The following NCOA6 variants were observed in gnomAD, a reference collection of about 807,000 sequenced individuals.
The protein encoded by NCOA6 is NRC RAP250.
Under a neutral mutation model 171.4 loss-of-function variants are expected in NCOA6, and 49 were observed. The ratio of observed to expected loss-of-function variants is 0.29; its 90% confidence interval spans 0.23 to 0.36. NCOA6 has a LOEUF of 0.36. Ranked by LOEUF, NCOA6 falls within the 10% of genes least tolerant of loss-of-function variation. NCOA6 has a pLI of 1.00. For missense variants in NCOA6, 2,248 were observed against 2,554.5 expected (o/e 0.88, Z 2.59); for synonymous variants, 910 against 927.5 (o/e 0.98, Z 0.34).
intron 1 of NCOA6, chr20:34,821,406 T>C (rs1301141943): frequency 1.3e-5 from 2 of 152,216 alleles, no homozygotes; most frequent in Non-Finnish European, 2.9e-5. Flanking sequence ...TTTTCTACAC[T>C]ATAGGTAGGA....
At chr20:34,773,696 A>G (rs1185955096) in intron 4 of NCOA6, among the ~76,000 whole-genome samples, 2 of 152,082 alleles carry the variant, frequency 1.3e-5, no homozygotes, top group African/African-American at 2.4e-5. Context: ...GCTAATTTTT[A>G]TATTTTTAGT....
rs1403222959 is a variant in NCOA6 at position 34,750,484 on chromosome 20, G to C, written c.1711C>G (p.Gln571Glu). The C allele has an allele frequency of 6.2e-7, 1 of 1,611,454 alleles. No homozygotes were observed. Among genetic ancestry groups the C allele is most frequent in the South Asian group, 1.1e-5 (1 of 90,842 alleles). ...ATATTTGGCGGCCCGTGGGACACCT[G>C]CATCTGGTTTTGAGGAGGACCAGCT... Reference protein sequence around the residue: ...QGAGPPQNQMQVSHGPPNMMQ... With the variant: ...QGAGPPQNQMEVSHGPPNMMQ... The change falls in exon 9 of 15, where the codon CAG becomes GAG. Residue 571 changes from glutamine (Q) to glutamate (E), a missense_variant. Physicochemically the swap from Gln to Glu is conservative, Grantham distance 29. Around this residue, in one of 7 missense-constraint regions of NCOA6, gnomAD observed 987 missense variants for 1,104.7 expected, o/e 0.89. Transcript: ENST00000359003.
At chr20:34,753,754 G>A (rs545159310) in intron 8 of NCOA6, among the ~76,000 whole-genome samples, 2 of 152,268 alleles carry the variant, frequency 1.3e-5, no homozygotes, top group Non-Finnish European at 2.9e-5. Context: ...CAAGCAGTTT[G>A]CACTACCCTT....
At chr20:34,801,455 T>C (rs749673812) in intron 1 of NCOA6, among the ~76,000 whole-genome samples, 3 of 151,390 alleles carry the variant, frequency 2.0e-5, no homozygotes, top group Non-Finnish European at 4.4e-5. Flanking sequence ...TTAACCAGAC[T>C]AACAAAAAAA....
At position 34,822,198 on chromosome 20, in the gene NCOA6, C is replaced by T. The variant is rs1005586023; in HGVS notation, c.-164+3274G>A. Among the ~76,000 whole-genome samples the T allele has an allele frequency of 6.6e-5, 10 of 152,232 alleles. 2 individuals are homozygous for T. In the South Asian group the frequency reaches 2.1e-3, roughly 32 times the overall value. On this transcript the variant is annotated intron_variant, in intron 1 of 14. Transcript: ENST00000359003. ...CCTTCCAAAGAACATCCATTTATCT[C>T]CTAGAAATTAAACCTCCACCACATA...
At chr20:34,805,041 CCCT>C (rs1465209459) in intron 1 of NCOA6, among the ~76,000 whole-genome samples, 1 of 150,800 alleles carries the variant, frequency 6.6e-6, no homozygotes, top group African/African-American at 2.4e-5. Flanking sequence ...ATTTCTTATA[CCCT>C]TTTTTTTTTT....
At position 34,742,373 on chromosome 20, in the gene NCOA6, A is replaced by G; in HGVS notation, c.3883T>C (p.Ser1295Pro). The G allele has an allele frequency of 6.2e-7, 1 of 1,614,142 alleles. No homozygotes were observed. The highest frequency in any genetic ancestry group is 8.5e-7 in the Non-Finnish European group (1 of 1,180,032). The change falls in exon 11 of 15, where the codon TCC (serine) becomes CCC (proline). Residue 1295 changes from serine to proline, a missense_variant. By Grantham distance (74) the Ser-to-Pro change is moderately conservative. This residue lies in a region of NCOA6 where 884 missense variants were observed against 941.9 expected (regional missense o/e 0.94). Coordinates refer to ENST00000359003, the MANE Select transcript of NCOA6 (RefSeq NM_014071.5). ...QAPSNLTMNPSNFATPQTHKL... is the reference protein window; with the variant it reads ...QAPSNLTMNPPNFATPQTHKL... ...TGAGTTTGTGGGGTAGCAAAATTGG[A>G]AGGATTCATGGTAAGATTTGAAGGT...
chr20:34,725,660 C>G (rs925129951), intron 14 of NCOA6, among the ~76,000 whole-genome samples: 2 of 151,608 alleles, frequency 1.3e-5, no homozygotes, highest in African/African-American at 2.4e-5. Context: ...AAAGGGCCAC[C>G]TGAGATAAAA....
At chr20:34,731,580 C>A (rs546209691) in intron 13 of NCOA6, among the ~76,000 whole-genome samples, 1 of 152,196 alleles carries the variant, frequency 6.6e-6, no homozygotes, top group Middle Eastern at 3.2e-3. Context: ...ATTAAGGATG[C>A]ATGGCATGGA....
chr20:34,741,215 C>A lies in NCOA6; in HGVS notation c.5041G>T (p.Ala1681Ser). ...AGGCCAGAGTTGGTTGTCAGTGGGG[C>A]TGCAGGAATTGTGCTTGGCTGTGAT... ...KGSQPSTIPA[A>S]PLTTNSGLMP... Residue 1681 changes from alanine (A) to serine (S), a missense_variant, in exon 11 of 15, where the codon GCC becomes TCC. Physicochemically the swap from Ala to Ser is moderately conservative, Grantham distance 99 (BLOSUM62 1). Around this residue, in one of 7 missense-constraint regions of NCOA6, gnomAD observed 884 missense variants for 941.9 expected, o/e 0.94. Coordinates refer to ENST00000359003, the MANE Select transcript of NCOA6 (RefSeq NM_014071.5). The A allele has an allele frequency of 6.2e-7, 1 of 1,614,240 alleles. No homozygotes were observed. Among genetic ancestry groups the A allele is most frequent in the East Asian group, 2.2e-5 (1 of 44,892 alleles).
In NCOA6 at chr20:34,760,618, G is replaced by A. The variant is rs189553341; in HGVS notation, c.515-1685C>T. Among the ~76,000 whole-genome samples, 111 of 152,218 alleles carry A rather than the reference G, an allele frequency of 7.3e-4. 1 individual carries two copies. The South Asian group carries it at 0.017, about 23-fold the overall frequency. On this transcript the variant is annotated intron_variant, in intron 5 of 14. Transcript: ENST00000359003. ...CCTGTAAAACCATCTGGGCCTATAG[G>A]TCATACTAATTGATTTACAGGGAAA...
chr20:34,810,669 C>A (rs1255885293), intron 1 of NCOA6, among the ~76,000 whole-genome samples: 1 of 152,070 alleles, frequency 6.6e-6, no homozygotes, highest in Non-Finnish European at 1.5e-5. Flanking sequence ...CATTCTCCTG[C>A]CTCAGCCTCC....
chr20:34,744,673 AAATC>A (rs994586630), intron 10 of NCOA6, among the ~76,000 whole-genome samples: 50 of 152,328 alleles, frequency 3.3e-4, no homozygotes, highest in African/African-American at 1.2e-3. Flanking sequence ...ATTTTTAAAA[AAATC>A]CTTTTTTATT....
At chr20:34,797,002 A>G (rs2424997) in intron 1 of NCOA6, among the ~76,000 whole-genome samples, 76,499 of 151,990 alleles carry the variant, frequency 0.5, 19,734 homozygotes, top group South Asian at 0.69. Flanking sequence ...CTTAGTATCA[A>G]TATTTCTACT....
chr20:34,818,608 G>A (rs2078912702), intron 1 of NCOA6, among the ~76,000 whole-genome samples: 2 of 152,088 alleles, frequency 1.3e-5, no homozygotes, highest in Admixed American at 1.3e-4. Context: ...CACTCAGCCT[G>A]GAAAATACAG....
At chr20:34,740,301 T>A (rs1292475475) in intron 11 of NCOA6, 62 bp downstream of exon 11, 1 of 1,539,842 alleles carries the variant, frequency 6.5e-7, no homozygotes, top group Non-Finnish European at 8.8e-7. Context: ...TCATGCTTTC[T>A]CTTGTGGGAT....
intron 8 of NCOA6, among the ~76,000 whole-genome samples, chr20:34,751,652 G>C (rs935193785): frequency 1.3e-5 from 2 of 151,982 alleles, no homozygotes; most frequent in African/African-American, 4.8e-5. Context: ...TGCAAATAGA[G>C]GAATAATAAA....
intron 5 of NCOA6, among the ~76,000 whole-genome samples, chr20:34,759,594 T>G (rs1043973732): frequency 6.6e-6 from 1 of 152,226 alleles, no homozygotes; most frequent in Non-Finnish European, 1.5e-5. Flanking sequence ...CCTTACTATA[T>G]GCATTCTTTG....
At chr20:34,775,335 C>T (rs116269766) in intron 4 of NCOA6, among the ~76,000 whole-genome samples, 4,328 of 151,072 alleles carry the variant, frequency 0.029, 217 homozygotes, top group African/African-American at 0.1. Flanking sequence ...TGTGTCTGTG[C>T]GTGCGTGCAC....
Sources: allele counts gnomAD v4.1 joint callset (sites outside exome capture counted in the v4.1 genomes callset), GRCh38; gene constraint gnomAD v4.1.1; regional missense constraint gnomAD v4.1.1; transcripts MANE v1.5; gene names NCBI Gene and HGNC (gene_info 2026-07-23, HGNC 2026-07-21).